The following CHRNA5 variants were observed in gnomAD, a reference collection of about 807,000 sequenced individuals.
CHRNA5 encodes cholinergic receptor nicotinic alpha 5 subunit.
CHRNA5 carries 28 observed loss-of-function variants against 41.2 expected under a neutral mutation model. That is an observed-to-expected ratio of 0.68 (90% CI 0.50 to 0.93). The LOEUF (loss-of-function observed/expected upper bound fraction) is 0.93, where lower values mean the gene tolerates loss of function less well. CHRNA5 is among the 40% of genes least tolerant of loss of function. The probability of loss-of-function intolerance (pLI) is 0.00; values close to 1 mark genes in which losing one functional copy is unlikely to be tolerated. For missense variants in CHRNA5, 481 were observed against 581.9 expected (o/e 0.83, Z 1.78); for synonymous variants, 188 against 205.8 (o/e 0.91, Z 0.74).
chr15:78,591,397 T>C (rs2053013196), intron 5 of CHRNA5: 1 of 151,862 alleles, frequency 6.6e-6, no homozygotes, highest in Non-Finnish European at 1.5e-5. Flanking sequence ...AAAAAGTTCT[T>C]TTAAAGAATG....
At position 78,571,082 on chromosome 15, in the gene CHRNA5, T is replaced by A. The variant is rs144987739; in HGVS notation, c.106+5257T>A. The stretch of plus-strand genomic sequence containing the variant: ...AGAACGCAGATGCTGATCCAGTAGG[T>A]CAGAAGCAGGGCCTGAGACTCTGCA... On this transcript the variant is annotated intron_variant, in intron 1 of 5. Transcript: ENST00000299565. Among the ~76,000 whole-genome samples, 427 of 152,290 alleles carry A rather than the reference T, an allele frequency of 2.8e-3. 3 individuals are homozygous for A. The highest frequency in any genetic ancestry group is 9.5e-3 in the African/African-American group (393 of 41,546).
exon 5 of CHRNA5, chr15:78,590,478 C>T: frequency 6.2e-7 from 1 of 1,614,218 alleles, no homozygotes; most frequent in South Asian, 1.1e-5. Flanking sequence ...GCTTCCCAAA[C>T]TGCTTTGCAT....
At chr15:78,586,417 C>T (rs1293109771) in intron 2 of CHRNA5, among the ~76,000 whole-genome samples, 1 of 152,036 alleles carries the variant, frequency 6.6e-6, no homozygotes, top group Non-Finnish European at 1.5e-5. Flanking sequence ...GCAAAAATGC[C>T]AAAGGTATCT....
At chr15:78,578,323 T>C (rs1041672050) in intron 1 of CHRNA5, among the ~76,000 whole-genome samples, 2 of 151,956 alleles carry the variant, frequency 1.3e-5, no homozygotes, top group African/African-American at 2.4e-5. Flanking sequence ...GCCTGACCAG[T>C]AGGGTGAAAC....
chr15:78,591,188 T>G (rs765246605), intron 5 of CHRNA5: 1 of 152,650 alleles, frequency 6.6e-6, no homozygotes, highest in Non-Finnish European at 1.5e-5. Flanking sequence ...CTGGTCAACA[T>G]GGTGAAACTC....
chr15:78,565,551 G>A lies in CHRNA5; in HGVS notation c.-169G>A, dbSNP rs1051527719. On this transcript the variant is annotated 5_prime_UTR_variant, in exon 1 of 6. It removes the in-frame stop codon of an upstream open reading frame in the 5' UTR. Coordinates refer to ENST00000299565, the Ensembl canonical transcript of CHRNA5. Reference sequence around the variant, plus strand: ...GTCCCGAGCCCGCCAGAAGCTGCTAGGCTGAGGCTGCTGTCCCGGCGGGAG... The same window carrying A: ...GTCCCGAGCCCGCCAGAAGCTGCTAAGCTGAGGCTGCTGTCCCGGCGGGAG... The A allele has an allele frequency of 1.4e-5, 3 of 215,158 alleles. No individual in the cohort carries two copies. In the East Asian group the frequency reaches 3.5e-4, roughly 25 times the overall value. The allele number at this position is 215,158 out of a possible 1,614,324, so 13.3% of individuals were successfully genotyped here. A position where few individuals can be genotyped will look rare whatever the true frequency, so the allele number is the denominator to read the frequency against.
chr15:78,589,769 AT>A, intron 4 of CHRNA5, 35 bp from the exon 5 acceptor site: 1 of 1,446,878 alleles, frequency 6.9e-7, no homozygotes, highest in Non-Finnish European at 9.4e-7. Context: ...GCATTGTTTA[AT>A]TTCTGCATTG....
intron 1 of CHRNA5, among the ~76,000 whole-genome samples, chr15:78,577,133 T>C (rs1305951219): frequency 1.3e-5 from 2 of 152,254 alleles, no homozygotes; most frequent in Non-Finnish European, 2.9e-5. Flanking sequence ...TAAGTTAATC[T>C]AGAAAGTTGT....
intron 1 of CHRNA5, among the ~76,000 whole-genome samples, chr15:78,571,488 T>C (rs1241130677): frequency 6.6e-6 from 1 of 151,994 alleles, no homozygotes; most frequent in Non-Finnish European, 1.5e-5. Flanking sequence ...ATATACTAGC[T>C]CATAATACAT....
At chr15:78,580,405 C>A (rs191526008) in intron 1 of CHRNA5, among the ~76,000 whole-genome samples, 1 of 151,956 alleles carries the variant, frequency 6.6e-6, no homozygotes, top group East Asian at 1.9e-4. Flanking sequence ...ACTCCTGCCA[C>A]CCTGGCAATT....
intron 1 of CHRNA5, among the ~76,000 whole-genome samples, chr15:78,572,529 G>A (rs139358938): frequency 0.011 from 1,639 of 152,168 alleles, 45 homozygotes; most frequent in African/African-American, 0.036. Context: ...TGTTGCCCAG[G>A]CTGGAGTTCA....
intron 1 of CHRNA5, among the ~76,000 whole-genome samples, chr15:78,577,594 C>CTA (rs1171321057): frequency 2.0e-5 from 3 of 152,098 alleles, no homozygotes; most frequent in Non-Finnish European, 4.4e-5. Flanking sequence ...GCGACTCAAG[C>CTA]TAGTTTTTCC....
chr15:78,594,778 TTTCAG>T (rs1190503128), exon 6 of CHRNA5: 4 of 152,246 alleles, frequency 2.6e-5, no homozygotes, highest in Non-Finnish European at 5.9e-5. Context: ...ACCTGTAATA[TTTCAG>T]TTTTCTCTCC....
rs2052984012 is a variant in CHRNA5 at position 78,588,744 on chromosome 15, C to T, written c.413+321C>T. Among the ~76,000 whole-genome samples, 1 of 152,082 alleles carries T rather than the reference C, an allele frequency of 6.6e-6. No homozygotes were observed. Among genetic ancestry groups the T allele is most frequent in the Non-Finnish European group, 1.5e-5 (1 of 68,022 alleles). On this transcript the variant is annotated intron_variant, in intron 4 of 5. Coordinates refer to ENST00000299565, the Ensembl canonical transcript of CHRNA5. The surrounding 1 kb of genome is among the most constrained non-coding windows in gnomAD (Gnocchi z 4.1). ...AGATTTTTTTGTATGTTTTTTACGTCGTTGAGGTCATATTTTATGTTGAAT... is the reference window on the plus strand; with the variant it reads ...AGATTTTTTTGTATGTTTTTTACGTTGTTGAGGTCATATTTTATGTTGAAT...
chr15:78,587,555 G>A (rs1001102704), intron 3 of CHRNA5, among the ~76,000 whole-genome samples: 1 of 152,124 alleles, frequency 6.6e-6, no homozygotes, highest in African/African-American at 2.4e-5. Context: ...GAGAGGGGGT[G>A]TAGGAGATGG....
chr15:78,576,210 A>T (rs2052854975), intron 1 of CHRNA5, among the ~76,000 whole-genome samples: 1 of 152,094 alleles, frequency 6.6e-6, no homozygotes, highest in African/African-American at 2.4e-5. Flanking sequence ...GCAGTGGCAC[A>T]GTCTTGGCTC....
chr15:78,566,895 G>A (rs1346483026), intron 1 of CHRNA5, among the ~76,000 whole-genome samples: 1 of 152,210 alleles, frequency 6.6e-6, no homozygotes, highest in Non-Finnish European at 1.5e-5. Context: ...AGGCAAACCT[G>A]TATTCAAATT....
chr15:78,578,561 G>A (rs1457498971), intron 1 of CHRNA5, among the ~76,000 whole-genome samples: 2 of 152,068 alleles, frequency 1.3e-5, no homozygotes, highest in African/African-American at 4.8e-5. Context: ...GTTATTCAGG[G>A]AAGCAGGACA....
At chr15:78,586,000 G>A (rs954039306) in intron 2 of CHRNA5, among the ~76,000 whole-genome samples, 1 of 151,434 alleles carries the variant, frequency 6.6e-6, no homozygotes, top group African/African-American at 2.4e-5. Flanking sequence ...CACTATGTTG[G>A]CCAGGCTGGT....
Sources: allele counts gnomAD v4.1 joint callset (sites outside exome capture counted in the v4.1 genomes callset), GRCh38; gene constraint gnomAD v4.1.1; non-coding constraint Gnocchi (gnomAD v3.1); transcripts MANE v1.5; gene names NCBI Gene and HGNC (gene_info 2026-07-23, HGNC 2026-07-21).